Variants in ZNF827 observed in about 807,000 individuals in gnomAD.
ZNF827 encodes the protein zinc finger protein 827.
A neutral mutation model predicts 102.4 loss-of-function variants in ZNF827; 13 were observed. That is an observed-to-expected ratio of 0.13 (90% CI 0.08 to 0.20). ZNF827 has a LOEUF of 0.20. Among genes scored for constraint, ZNF827 ranks in the 10% least tolerant of loss-of-function variants. ZNF827 has a pLI of 1.00. For missense variants in ZNF827, 1,103 were observed against 1,344.4 expected (o/e 0.82, Z 2.81); for synonymous variants, 523 against 536.2 (o/e 0.98, Z 0.34).
Position 145,902,373 on chromosome 4 carries a change from C to A in ZNF827, c.886G>T (p.Ala296Ser), listed in dbSNP as rs965410329. 1.9e-6 allele frequency: 3 copies of A among 1,611,446 alleles called. No homozygotes were observed. The highest frequency in any genetic ancestry group is 1.6e-4 in the Middle Eastern group (1 of 6,064). The change falls in exon 2 of 15, where the codon GCA becomes TCA. Residue 296 changes from alanine (A) to serine (S), a missense_variant. Around this residue, in one of 5 missense-constraint regions of ZNF827, gnomAD observed 441 missense variants for 458.6 expected, o/e 0.96. Transcript: ENST00000508784. The surrounding 1 kb of genome is among the most constrained non-coding windows in gnomAD (Gnocchi z 4.3). Reference sequence around the variant, plus strand: ...GCCAGAAGACTGCCCGCAGCCCTTGCGGCCACCTCCTTCAGAAGGGCCGCT... The same window carrying A: ...GCCAGAAGACTGCCCGCAGCCCTTGAGGCCACCTCCTTCAGAAGGGCCGCT... ...SSAALLKEVAARAAGSLLAEK... is the reference protein window; with the variant it reads ...SSAALLKEVASRAAGSLLAEK...
At chr4:145,879,667 C>T (rs771118681) in intron 4 of ZNF827, among the ~76,000 whole-genome samples, 12 of 152,152 alleles carry the variant, frequency 7.9e-5, no homozygotes, top group East Asian at 1.9e-4. Context: ...ATACACAGTA[C>T]GCTGTGAAGC....
chr4:145,916,645 A>G (rs1186456963), intron 1 of ZNF827, among the ~76,000 whole-genome samples: 7 of 152,180 alleles, frequency 4.6e-5, no homozygotes, highest in Non-Finnish European at 8.8e-5. Context: ...TCCTCTCCTG[A>G]AAATGTTCTT....
At chr4:145,871,269 A>C (rs1169877648) in intron 4 of ZNF827, among the ~76,000 whole-genome samples, 1 of 152,246 alleles carries the variant, frequency 6.6e-6, no homozygotes, top group Non-Finnish European at 1.5e-5. Flanking sequence ...AATTCACATT[A>C]CTATGAGCTA....
chr4:145,897,555 A>G (rs1284393807), intron 2 of ZNF827, among the ~76,000 whole-genome samples: 1 of 152,160 alleles, frequency 6.6e-6, no homozygotes, highest in East Asian at 1.9e-4. Flanking sequence ...CTAACAATAC[A>G]CATGGACTTT....
At chr4:145,934,166 G>T (rs568833414) in intron 1 of ZNF827, among the ~76,000 whole-genome samples, 1 of 152,134 alleles carries the variant, frequency 6.6e-6, no homozygotes, top group African/African-American at 2.4e-5. Flanking sequence ...GCTGTATCTC[G>T]TGTAATAATT....
chr4:145,887,328 G>C (rs1205931713), intron 3 of ZNF827, among the ~76,000 whole-genome samples: 1 of 152,096 alleles, frequency 6.6e-6, no homozygotes, highest in African/African-American at 2.4e-5. Flanking sequence ...CTTTCCAAGA[G>C]AGCAAGTTTT....
intron 7 of ZNF827, among the ~76,000 whole-genome samples, chr4:145,835,863 G>A (rs1321209001): frequency 6.6e-6 from 1 of 151,494 alleles, no homozygotes; most frequent in African/African-American, 2.4e-5. Context: ...AACCAGACAA[G>A]CCTTTACAAG....
At chr4:145,915,486 C>T (rs1008078501) in intron 1 of ZNF827, among the ~76,000 whole-genome samples, 9 of 151,994 alleles carry the variant, frequency 5.9e-5, no homozygotes, top group East Asian at 1.9e-4. Flanking sequence ...AACACACTCC[C>T]GAGATAAGGA....
At chr4:145,778,723 T>C (rs1409148016) in intron 9 of ZNF827, among the ~76,000 whole-genome samples, 1 of 152,224 alleles carries the variant, frequency 6.6e-6, no homozygotes, top group African/African-American at 2.4e-5. Flanking sequence ...TATCATTTTG[T>C]TTTTGTGTTC....
At chr4:145,835,492 C>T (rs1744730891) in intron 7 of ZNF827, among the ~76,000 whole-genome samples, 1 of 150,826 alleles carries the variant, frequency 6.6e-6, no homozygotes, top group Non-Finnish European at 1.5e-5. Flanking sequence ...CCCCACCTGC[C>T]CAGTTCCCTT....
intron 5 of ZNF827, among the ~76,000 whole-genome samples, chr4:145,854,437 T>C (rs1269696090): frequency 2.6e-5 from 4 of 151,962 alleles, no homozygotes; most frequent in African/African-American, 9.7e-5. Flanking sequence ...GGAAAAGAGA[T>C]AGAGAGGGAA....
chr4:145,931,881 C>T (rs1026997630), intron 1 of ZNF827, among the ~76,000 whole-genome samples: 10 of 152,236 alleles, frequency 6.6e-5, no homozygotes, highest in Admixed American at 6.5e-5. Flanking sequence ...CCCTCTCTCA[C>T]ACCTTGTGCT....
At chr4:145,873,349 T>A (rs80290061) in intron 4 of ZNF827, among the ~76,000 whole-genome samples, 2,355 of 152,326 alleles carry the variant, frequency 0.015, 57 homozygotes, top group African/African-American at 0.053. Context: ...TCCAAATTAG[T>A]GGCATCCAAT....
chr4:145,935,161 A>C (rs1414520626), intron 1 of ZNF827, among the ~76,000 whole-genome samples: 1 of 152,192 alleles, frequency 6.6e-6, no homozygotes, highest in Non-Finnish European at 1.5e-5. Flanking sequence ...AGGAATATTT[A>C]ATCCCCAGAC....
chr4:145,852,568 A>G (rs1295643458), intron 5 of ZNF827, among the ~76,000 whole-genome samples: 3 of 152,134 alleles, frequency 2.0e-5, no homozygotes, highest in South Asian at 4.1e-4. Context: ...CTTCCATGCA[A>G]TAGCATTATT....
intron 1 of ZNF827, among the ~76,000 whole-genome samples, chr4:145,938,147 AAAAG>A (rs1263924245): frequency 2.6e-5 from 4 of 152,012 alleles, no homozygotes; most frequent in Non-Finnish European, 5.9e-5. Flanking sequence ...GAAAGAAAGA[AAAAG>A]AGAGAGAGAA....
chr4:145,773,170 T>C (rs970550733), intron 11 of ZNF827, among the ~76,000 whole-genome samples: 33 of 152,324 alleles, frequency 2.2e-4, no homozygotes, highest in African/African-American at 7.7e-4. Flanking sequence ...TTTTCCTCCA[T>C]TAGCCACTCC....
At chr4:145,844,566 G>A (rs998722353) in intron 7 of ZNF827, among the ~76,000 whole-genome samples, 1 of 151,710 alleles carries the variant, frequency 6.6e-6, no homozygotes, top group Non-Finnish European at 1.5e-5. Flanking sequence ...TGTAGTTCCA[G>A]CTACTCGGGA....
At chr4:145,935,336 TCAATAATTACTACTTCACA>T (rs760450470) in intron 1 of ZNF827, among the ~76,000 whole-genome samples, 11 of 152,188 alleles carry the variant, frequency 7.2e-5, no homozygotes, top group Non-Finnish European at 1.5e-4. Flanking sequence ...TTTCCCAAAG[TCAATAATTACTACTTCACA>T]CCACTTGCAA....
Sources: gnomAD v4.1 joint callset for allele counts (sites outside exome capture counted in the v4.1 genomes callset) on GRCh38, gnomAD v4.1.1 for gene constraint, gnomAD v4.1.1 regional missense constraint, Gnocchi (gnomAD v3.1) non-coding constraint, MANE v1.5 for transcripts, NCBI Gene and HGNC (gene_info 2026-07-23, HGNC 2026-07-21) for gene names.